MYOD1: variants seen among roughly 807,000 people sequenced by gnomAD.
MYOD1 encodes myoblast determination protein 1.
MYOD1 carries 15 observed loss-of-function variants against 14.9 expected under a neutral mutation model. That is an observed-to-expected ratio of 1.01 (90% confidence interval 0.67 to 1.55). The LOEUF is 1.55. Among genes scored for constraint, MYOD1 ranks in the 40% most tolerant of loss-of-function variants. The pLI, the probability that MYOD1 is intolerant of heterozygous loss-of-function variation, is 0.00. For missense variants in MYOD1, 529 were observed against 482.6 expected (o/e 1.10, Z -0.90); for synonymous variants, 235 against 218.6 (o/e 1.07, Z -0.66).
At position 17,721,589 on chromosome 11, in the gene MYOD1, C is replaced by T; in HGVS notation, c.*81C>T. On this transcript the variant is annotated 3_prime_UTR_variant, in exon 3 of 3. Coordinates refer to ENST00000250003, the MANE Select transcript of MYOD1 (RefSeq NM_002478.5). The surrounding 1 kb of genome is among the most constrained non-coding windows in gnomAD (Gnocchi z 6.2). ...CCAAAAGATTGAACTTAAATGCCCC[C>T]CTCCCAACAGCGCTTTAAAAGCGAC... The T allele has an allele frequency of 6.9e-7, 1 of 1,442,844 alleles. No individual in the cohort carries two copies. The highest frequency in any genetic ancestry group is 9.1e-7 in the Non-Finnish European group (1 of 1,097,980). The allele number at this position is 1,442,844 out of a possible 1,614,324, so 89.4% of individuals were successfully genotyped here.
Position 17,720,287 on chromosome 11 carries a change from G to A in MYOD1, c.505G>A (p.Ala169Thr). ...GCAGGCTCTGCTGCGCGACCAGGAC[G>A]CCGCGCCCCCTGGCGCCGCAGCCGC... is the stretch of plus-strand genomic sequence containing the variant. ...GLQALLRDQD[A>T]APPGAAAAFY... The change falls in exon 1 of 3, where the codon GCC becomes ACC. Residue 169 changes from alanine (A) to threonine (T), a missense_variant. Transcript: ENST00000250003. 8.8e-6 allele frequency: 14 copies of A among 1,594,570 alleles called. No homozygotes were observed. Among genetic ancestry groups the A allele is most frequent in the African/African-American group, 1.4e-5 (1 of 72,150 alleles).
chr11:17,720,823 G>A, intron 1 of MYOD1, 79 bp from the exon 2 acceptor site: 1 of 1,460,172 alleles, frequency 6.8e-7, no homozygotes, highest in Non-Finnish European at 9.4e-7. Context: ...TAGAGTTAGG[G>A]AGGGGGCGGC....
Position 17,719,621 on chromosome 11 carries a change from C to G in MYOD1, c.-162C>G, listed in dbSNP as rs980338045. 1.1e-6 allele frequency: 1 copy of G among 908,172 alleles called. No individual in the cohort carries two copies. The highest frequency in any genetic ancestry group is 1.6e-6 in the Non-Finnish European group (1 of 623,588). 56.3% of individuals were successfully genotyped at this position (908,172 alleles called of 1,614,324 possible). On this transcript the variant is annotated 5_prime_UTR_variant, in exon 1 of 3. The change creates a new upstream start codon in the 5' untranslated region. Coordinates refer to ENST00000250003, the MANE Select transcript of MYOD1 (RefSeq NM_002478.5). The stretch of plus-strand genomic sequence containing the variant: ...GCCGCCGCTTTCCTTAACCACAAAT[C>G]AGGCCGGACAGGAGAGGGAGGGGTG...
rs956820792 is a variant in MYOD1, at chr11:17,721,855, T to TG, written c.*354dup. 7.1e-5 allele frequency: 22 copies of TG among 311,978 alleles called. No homozygotes were observed. The highest frequency in any genetic ancestry group is 2.8e-4 in the South Asian group (2 of 7,196). The allele number at this position is 311,978 out of a possible 1,614,324, so 19.3% of individuals were successfully genotyped here. Reference sequence around the variant, plus strand: ...CCTGCCCCGGGATGCACCGGTTATTTGGGGGGGCGTGAGACCCAGTGCACT... The same window carrying TG: ...CCTGCCCCGGGATGCACCGGTTATTTGGGGGGGGCGTGAGACCCAGTGCACT... On this transcript the variant is annotated 3_prime_UTR_variant, in exon 3 of 3. Transcript: ENST00000250003. This position sits in a 1 kb window ranked among gnomAD's most constrained non-coding sequence, Gnocchi z 6.2.
chr11:17,719,677 G>C lies in MYOD1; in HGVS notation c.-106G>C. On this transcript the variant is annotated 5_prime_UTR_variant, in exon 1 of 3. Transcript: ENST00000250003. Reference sequence around the variant, plus strand: ...CAGTGGGTGGGCATTCAGACTGCCAGCACTTTGCTATCTACAGCCGGGGCT... The same window carrying C: ...CAGTGGGTGGGCATTCAGACTGCCACCACTTTGCTATCTACAGCCGGGGCT... 7.1e-7 allele frequency: 1 copy of C among 1,405,586 alleles called. No homozygotes were observed. Among genetic ancestry groups the C allele is most frequent in the Non-Finnish European group, 9.6e-7 (1 of 1,042,876 alleles). The allele number at this position is 1,405,586 out of a possible 1,614,324, so 87.1% of individuals were successfully genotyped here. A position where few individuals can be genotyped will look rare whatever the true frequency, so the allele number is the denominator to read the frequency against.
Position 17,719,963 on chromosome 11 carries a change from G to A in MYOD1, c.181G>A (p.Glu61Lys). The A allele has an allele frequency of 6.2e-7, 1 of 1,613,280 alleles. No homozygotes were observed. The highest frequency in any genetic ancestry group is 8.5e-7 in the Non-Finnish European group (1 of 1,179,852). ...CGTGGGCGCGCTCCTGAAACCCGAA[G>A]AGCACTCGCACTTCCCCGCGGCGGT... ...MHVGALLKPEEHSHFPAAVHP... is the reference protein window; with the variant it reads ...MHVGALLKPEKHSHFPAAVHP... The change falls in exon 1 of 3, where the codon GAG becomes AAG. Residue 61 changes from glutamate to lysine, a missense_variant. Coordinates refer to ENST00000250003, the MANE Select transcript of MYOD1 (RefSeq NM_002478.5).
rs1848620959 is a variant in MYOD1, at chr11:17,720,059, T to A, written c.277T>A (p.Cys93Ser). The part of the protein sequence containing the change: ...APSGHHQAGR[C>S]LLWACKACKR... The stretch of plus-strand genomic sequence containing the variant: ...CAGCGGGCACCACCAGGCGGGCCGC[T>A]GCCTACTGTGGGCCTGCAAGGCGTG... Residue 93 changes from cysteine to serine, a missense_variant, in exon 1 of 3, where the codon TGC becomes AGC. Transcript: ENST00000250003. The A allele has an allele frequency of 1.3e-6, 2 of 1,572,266 alleles. No individual in the cohort carries two copies. The highest frequency in any genetic ancestry group is 1.7e-6 in the Non-Finnish European group (2 of 1,158,710).
Position 17,721,059 on chromosome 11 carries a change from C to T in MYOD1, c.709+79C>T, listed in dbSNP as rs765064673. 1.0e-5 allele frequency: 15 copies of T among 1,434,670 alleles called. No individual in the cohort carries two copies. The highest frequency in any genetic ancestry group is 1.1e-5 in the Non-Finnish European group (12 of 1,079,420). The allele number at this position is 1,434,670 out of a possible 1,614,324, so 88.9% of individuals were successfully genotyped here. A position where few individuals can be genotyped will look rare whatever the true frequency, so the allele number is the denominator to read the frequency against. The stretch of plus-strand genomic sequence containing the variant: ...TGGCCTCTATCTAGGACGCTCCCAC[C>T]CCCACTCACACACGCCTATGTCCTG... On this transcript the variant is annotated intron_variant, in intron 2 of 2. Coordinates refer to ENST00000250003, the MANE Select transcript of MYOD1 (RefSeq NM_002478.5). The surrounding 1 kb of genome is among the most constrained non-coding windows in gnomAD (Gnocchi z 6.2).
chr11:17,720,963 A>G lies in MYOD1; in HGVS notation c.692A>G (p.Tyr231Cys). Residue 231 changes from tyrosine (Y) to cysteine (C), a missense_variant, in exon 2 of 3, where the codon TAC (tyrosine) becomes TGC (cysteine). By Grantham distance (194) the Tyr-to-Cys change is radical. Transcript: ENST00000250003. Reference protein sequence around the residue: ...RRRNCYEGAYYNEAPSEPRPG... With the variant: ...RRRNCYEGAYCNEAPSEPRPG... ...CGGAACTGCTACGAAGGCGCCTACT[A>G]CAACGAGGCGCCCAGCGGTGGGTAT... 6.2e-7 allele frequency: 1 copy of G among 1,603,380 alleles called. No individual in the cohort carries two copies. Among genetic ancestry groups the G allele is most frequent in the Middle Eastern group, 1.7e-4 (1 of 6,044 alleles).
At chr11:17,720,526 C>T in intron 1 of MYOD1, 114 bp downstream of exon 1, 2 of 1,336,776 alleles carry the variant, frequency 1.5e-6, no homozygotes, top group East Asian at 2.8e-5. Flanking sequence ...GGATCCTTCC[C>T]GAGAGAGAGG....
In MYOD1 at chr11:17,721,473, G is replaced by T. The variant is rs1848638183; in HGVS notation, c.928G>T (p.Gly310Cys). 1 of 1,585,864 alleles carries T rather than the reference G, an allele frequency of 6.3e-7. No homozygotes were observed. The highest frequency in any genetic ancestry group is 8.5e-7 in the Non-Finnish European group (1 of 1,171,966). Residue 310 changes from glycine to cysteine, a missense_variant, in exon 3 of 3, where the codon GGT becomes TGT. Gly to Cys is a radical substitution (Grantham distance 159, BLOSUM62 -3). Coordinates refer to ENST00000250003, the MANE Select transcript of MYOD1 (RefSeq NM_002478.5). The surrounding 1 kb of genome is among the most constrained non-coding windows in gnomAD (Gnocchi z 6.2). ...GGACGCCGCCCCGCAGTGCCCTGCG[G>T]GTGCGAACCCCAACCCGATATACCA... ...SPDAAPQCPA[G>C]ANPNPIYQVL
In MYOD1 at chr11:17,721,294, A is replaced by C. The variant is rs1848635505; in HGVS notation, c.749A>C (p.Asp250Ala). The C allele has an allele frequency of 1.3e-6, 2 of 1,586,794 alleles. No individual in the cohort carries two copies. Among genetic ancestry groups the C allele is most frequent in the Non-Finnish European group, 1.7e-6 (2 of 1,170,166 alleles). Residue 250 changes from aspartate to alanine, a missense_variant, in exon 3 of 3, where the codon GAC becomes GCC. Physicochemically the swap from Asp to Ala is moderately radical, Grantham distance 126. Transcript: ENST00000250003. This position sits in a 1 kb window ranked among gnomAD's most constrained non-coding sequence, Gnocchi z 6.2. ...AAGAGTGCGGCGGTGTCGAGCCTAG[A>C]CTGCCTGTCCAGCATCGTGGAGCGC... ...PGKSAAVSSLDCLSSIVERIS... is the reference protein window; with the variant it reads ...PGKSAAVSSLACLSSIVERIS...
Position 17,721,217 on chromosome 11 carries a change from C to A in MYOD1, c.710-38C>A. On this transcript the variant is annotated intron_variant, in intron 2 of 2. Transcript: ENST00000250003. The surrounding 1 kb of genome is among the most constrained non-coding windows in gnomAD (Gnocchi z 6.2). ...CCCGGGGGTGGGAGGCTTGTCGCGGCCCCACCCCTGCTTACTAACCGAGCC... is the reference window on the plus strand; with the variant it reads ...CCCGGGGGTGGGAGGCTTGTCGCGGACCCACCCCTGCTTACTAACCGAGCC... 6.7e-7 allele frequency: 1 copy of A among 1,483,766 alleles called. No individual in the cohort carries two copies. The highest frequency in any genetic ancestry group is 2.4e-5 in the East Asian group (1 of 41,476). 91.9% of individuals were successfully genotyped at this position (1,483,766 alleles called of 1,614,324 possible).
At position 17,720,980 on chromosome 11, in the gene MYOD1, G is replaced by C; in HGVS notation, c.709G>C (p.Glu237Gln). ...EGAYYNEAPS[E>Q]PRPGKSAAVS... is the part of the protein sequence containing the mutation. ...CGCCTACTACAACGAGGCGCCCAGC[G>C]GTGGGTATTCCGGGCCTCTCCCTGC... The change falls in exon 2 of 3, where the codon GAA (glutamate) becomes CAA (glutamine). Residue 237 changes from glutamate (E) to glutamine (Q), a missense_variant and splice_region_variant. Coordinates refer to ENST00000250003, the MANE Select transcript of MYOD1 (RefSeq NM_002478.5). 1 of 1,591,626 alleles carries C rather than the reference G, an allele frequency of 6.3e-7. No homozygotes were observed. The highest frequency in any genetic ancestry group is 8.5e-7 in the Non-Finnish European group (1 of 1,170,122).
Position 17,721,008 on chromosome 11 carries a change from G to T in MYOD1, c.709+28G>T, listed in dbSNP as rs772434415. 6.4e-7 allele frequency: 1 copy of T among 1,553,090 alleles called. No individual in the cohort carries two copies. Among genetic ancestry groups the T allele is most frequent in the Non-Finnish European group, 8.7e-7 (1 of 1,148,928 alleles). ...GGGTATTCCGGGCCTCTCCCTGCTCGCTCCTCCTCCTTCATGGAGCTGTCC... is the reference window on the plus strand; with the variant it reads ...GGGTATTCCGGGCCTCTCCCTGCTCTCTCCTCCTCCTTCATGGAGCTGTCC... On this transcript the variant is annotated intron_variant, in intron 2 of 2. Transcript: ENST00000250003. The surrounding 1 kb of genome is among the most constrained non-coding windows in gnomAD (Gnocchi z 6.2).
rs576800418 is a variant in MYOD1, at chr11:17,719,935, G to A, written c.153G>A (p.Met51Ile). 1 of 1,613,786 alleles carries A rather than the reference G, an allele frequency of 6.2e-7. No individual in the cohort carries two copies. The highest frequency in any genetic ancestry group is 1.7e-5 in the Admixed American group (1 of 60,030). Residue 51 changes from methionine (M) to isoleucine (I), a missense_variant, in exon 1 of 3, where the codon ATG (methionine) becomes ATA (isoleucine). By Grantham distance (10) the Met-to-Ile change is conservative (BLOSUM62 1). Transcript: ENST00000250003. Reference protein sequence around the residue: ...RFFEDLDPRLMHVGALLKPEE... With the variant: ...RFFEDLDPRLIHVGALLKPEE... The stretch of plus-strand genomic sequence containing the variant: ...TCGAAGACCTGGACCCGCGCCTGAT[G>A]CACGTGGGCGCGCTCCTGAAACCCG...
chr11:17,720,966 A>T lies in MYOD1; in HGVS notation c.695A>T (p.Asn232Ile). 1.9e-6 allele frequency: 3 copies of T among 1,602,260 alleles called. No homozygotes were observed. Among genetic ancestry groups the T allele is most frequent in the Non-Finnish European group, 2.6e-6 (3 of 1,175,496 alleles). ...AACTGCTACGAAGGCGCCTACTACA[A>T]CGAGGCGCCCAGCGGTGGGTATTCC... ...RRNCYEGAYY[N>I]EAPSEPRPGK... Residue 232 changes from asparagine (N) to isoleucine (I), a missense_variant, in exon 2 of 3, where the codon AAC (asparagine) becomes ATC (isoleucine). Transcript: ENST00000250003.
In MYOD1 at chr11:17,721,612, G is replaced by A; in HGVS notation, c.*104G>A. On this transcript the variant is annotated 3_prime_UTR_variant, in exon 3 of 3. Coordinates refer to ENST00000250003, the MANE Select transcript of MYOD1 (RefSeq NM_002478.5). The surrounding 1 kb of genome is among the most constrained non-coding windows in gnomAD (Gnocchi z 6.2). Reference sequence around the variant, plus strand: ...CCCCTCCCAACAGCGCTTTAAAAGCGACCTCTCTTGAGGTAGGAGAGGCGG... The same window carrying A: ...CCCCTCCCAACAGCGCTTTAAAAGCAACCTCTCTTGAGGTAGGAGAGGCGG... 7.4e-7 allele frequency: 1 copy of A among 1,353,104 alleles called. No individual in the cohort carries two copies. Among genetic ancestry groups the A allele is most frequent in the Non-Finnish European group, 9.7e-7 (1 of 1,029,248 alleles). 83.8% of individuals were successfully genotyped at this position (1,353,104 alleles called of 1,614,324 possible). A position where few individuals can be genotyped will look rare whatever the true frequency, so the allele number is the denominator to read the frequency against.
rs772091425 is a variant in MYOD1, at chr11:17,720,914, G to C, written c.643G>C (p.Gly215Arg). 6.2e-7 allele frequency: 1 copy of C among 1,612,090 alleles called. No homozygotes were observed. Among genetic ancestry groups the C allele is most frequent in the Non-Finnish European group, 8.5e-7 (1 of 1,179,696 alleles). Residue 215 changes from glycine to arginine, a missense_variant, in exon 2 of 3, where the codon GGC becomes CGC. Gly to Arg is a moderately radical substitution (Grantham distance 125). Coordinates refer to ENST00000250003, the MANE Select transcript of MYOD1 (RefSeq NM_002478.5). ...NCSDGMMDYS[G>R]PPSGARRRNC... ...TTGCTGTTTGCAGATGGACTACAGC[G>C]GCCCCCCGAGCGGCGCCCGGCGGCG...
Sources: gnomAD v4.1 joint callset for allele counts on GRCh38, gnomAD v4.1.1 for gene constraint, Gnocchi (gnomAD v3.1) non-coding constraint, MANE v1.5 for transcripts, NCBI Gene and HGNC (gene_info 2026-07-23, HGNC 2026-07-21) for gene names.